Variants in CSGALNACT1 observed in about 807,000 individuals in gnomAD.
CSGALNACT1 encodes the protein chondroitin sulfate N-acetylgalactosaminyltransferase 1.
Under a neutral mutation model 51.0 loss-of-function variants are expected in CSGALNACT1, and 52 were observed. That is an observed-to-expected ratio of 1.02 (90% confidence interval 0.82 to 1.29). The LOEUF (loss-of-function observed/expected upper bound fraction) is 1.29. Ranked by LOEUF, CSGALNACT1 falls within the 50% of genes most tolerant of loss-of-function variation. CSGALNACT1 has a pLI of 0.00. For missense variants in CSGALNACT1, 935 were observed against 679.2 expected (o/e 1.38, Z -4.19); for synonymous variants, 341 against 254.4 (o/e 1.34, Z -3.24).
chr8:19,637,040 A>C (rs1447147863), intron 1 of CSGALNACT1, among the ~76,000 whole-genome samples: 1 of 152,052 alleles, frequency 6.6e-6, no homozygotes, highest in Admixed American at 6.6e-5. Context: ...AAAAAAAAAA[A>C]AATAGAACAA....
intron 1 of CSGALNACT1, among the ~76,000 whole-genome samples, chr8:19,755,943 T>G (rs750620490): frequency 6.6e-6 from 1 of 152,196 alleles, no homozygotes; most frequent in Non-Finnish European, 1.5e-5. Flanking sequence ...TTTCTAGGAA[T>G]TGACCATCTT....
At chr8:19,459,816 C>T (rs2064983620) in intron 4 of CSGALNACT1, among the ~76,000 whole-genome samples, 1 of 152,196 alleles carries the variant, frequency 6.6e-6, no homozygotes, top group East Asian at 1.9e-4. Context: ...TAGCCATCTT[C>T]ACAACTCCCC....
At chr8:19,439,145 G>C (rs538088511) in intron 6 of CSGALNACT1, among the ~76,000 whole-genome samples, 18 of 152,308 alleles carry the variant, frequency 1.2e-4, no homozygotes, top group African/African-American at 4.1e-4. Flanking sequence ...AGATGCCATG[G>C]GGATTACTTA....
At position 19,644,460 on chromosome 8, in the gene CSGALNACT1, G is replaced by A. The variant is rs568122202; in HGVS notation, c.-544+38013C>T. ...TGCAGTGGCTCACGCCTGTAATCCC[G>A]GTACTTTGGGAGGCTGAGGTGGGTG... is the stretch of plus-strand genomic sequence containing the variant. On this transcript the variant is annotated intron_variant, in intron 1 of 9. Transcript: ENST00000332246. Among the ~76,000 whole-genome samples, 40 of 149,842 alleles carry A rather than the reference G, an allele frequency of 2.7e-4. 1 individual carries two copies. In the South Asian group the frequency reaches 8.0e-3, roughly 30 times the overall value.
chr8:19,459,938 G>A lies in CSGALNACT1; in HGVS notation c.635-1296C>T, dbSNP rs1055626309. ...ACAGAGTGTCACTTGTCAGGTTGAAGATATGAACTCAGCATCTCAGCTGCC... is the reference window on the plus strand; with the variant it reads ...ACAGAGTGTCACTTGTCAGGTTGAAAATATGAACTCAGCATCTCAGCTGCC... On this transcript the variant is annotated intron_variant, in intron 4 of 9. Coordinates refer to ENST00000454498, the Ensembl canonical transcript of CSGALNACT1. 3.3e-5 allele frequency among the ~76,000 whole-genome samples: 5 copies of A among 152,164 alleles called. No individual in the cohort carries two copies. The South Asian group carries it at 8.3e-4, about 25-fold the overall frequency.
At chr8:19,653,646 T>C (rs545294514) in intron 1 of CSGALNACT1, among the ~76,000 whole-genome samples, 1 of 152,002 alleles carries the variant, frequency 6.6e-6, no homozygotes, top group Non-Finnish European at 1.5e-5. Flanking sequence ...GTTAAAAAAA[T>C]TTGTGGGTGT....
At chr8:19,722,845 T>C (rs1041241989) in intron 1 of CSGALNACT1, among the ~76,000 whole-genome samples, 4 of 152,228 alleles carry the variant, frequency 2.6e-5, no homozygotes, top group Non-Finnish European at 5.9e-5. Context: ...TAGCAAGATC[T>C]GCAACAGGTA....
At chr8:19,537,601 G>A (rs1332967929) in intron 3 of CSGALNACT1, among the ~76,000 whole-genome samples, 1 of 152,144 alleles carries the variant, frequency 6.6e-6, no homozygotes, top group Admixed American at 6.6e-5. Flanking sequence ...CCTACAGGAT[G>A]GGAAGCCTGC....
chr8:19,610,674 C>A (rs547635655), intron 1 of CSGALNACT1, among the ~76,000 whole-genome samples: 1 of 152,176 alleles, frequency 6.6e-6, no homozygotes. Context: ...TGGCCCAGCT[C>A]CCGAGGAAAG....
At chr8:19,521,515 T>A (rs2080700208) in intron 3 of CSGALNACT1, among the ~76,000 whole-genome samples, 1 of 152,170 alleles carries the variant, frequency 6.6e-6, no homozygotes, top group Non-Finnish European at 1.5e-5. Flanking sequence ...GAAACCCATC[T>A]CTACTAAAAA....
At chr8:19,570,683 C>T (rs920837809) in intron 3 of CSGALNACT1, among the ~76,000 whole-genome samples, 2 of 152,108 alleles carry the variant, frequency 1.3e-5, no homozygotes, top group African/African-American at 2.4e-5. Flanking sequence ...GGGCAGATCA[C>T]GAGGGTAGGA....
intron 6 of CSGALNACT1, among the ~76,000 whole-genome samples, chr8:19,421,267 A>G (rs992689545): frequency 3.3e-5 from 5 of 152,216 alleles, no homozygotes; most frequent in African/African-American, 1.2e-4. Context: ...AGCATCAGCT[A>G]TTGCTGTGAT....
chr8:19,660,355 T>A (rs1048869118), intron 1 of CSGALNACT1, among the ~76,000 whole-genome samples: 3 of 152,130 alleles, frequency 2.0e-5, no homozygotes, highest in African/African-American at 7.2e-5. Flanking sequence ...AATTACTTAA[T>A]CCCCCTAAGC....
chr8:19,638,755 G>C (rs767084576), intron 1 of CSGALNACT1, among the ~76,000 whole-genome samples: 23 of 151,998 alleles, frequency 1.5e-4, no homozygotes, highest in Non-Finnish European at 3.4e-4. Flanking sequence ...TAGAGACAGA[G>C]TGTCAATTCA....
At chr8:19,638,381 G>T (rs1305598311) in intron 1 of CSGALNACT1, among the ~76,000 whole-genome samples, 2 of 152,084 alleles carry the variant, frequency 1.3e-5, no homozygotes, top group Non-Finnish European at 2.9e-5. Context: ...ACACCCATCG[G>T]TGCCCACTTG....
intron 1 of CSGALNACT1, among the ~76,000 whole-genome samples, chr8:19,624,928 C>T (rs538730008): frequency 2.0e-5 from 3 of 152,306 alleles, no homozygotes; most frequent in East Asian, 1.9e-4. Context: ...CCGCCCACCT[C>T]GGCCTCCCAA....
chr8:19,591,928 A>G (rs945731405), intron 2 of CSGALNACT1, among the ~76,000 whole-genome samples: 1 of 152,216 alleles, frequency 6.6e-6, no homozygotes, highest in African/African-American at 2.4e-5. Context: ...ATCAAAATTA[A>G]CACTGTCAAT....
chr8:19,531,315 T>G (rs1017491009), intron 3 of CSGALNACT1, among the ~76,000 whole-genome samples: 45 of 152,264 alleles, frequency 3.0e-4, no homozygotes, highest in African/African-American at 9.6e-4. Context: ...CCACATAATT[T>G]AAAAAGTCAA....
At chr8:19,673,975 A>C (rs2059982565) in intron 1 of CSGALNACT1, among the ~76,000 whole-genome samples, 3 of 152,340 alleles carry the variant, frequency 2.0e-5, no homozygotes, top group Middle Eastern at 3.4e-3. Context: ...GGTGAAGGGC[A>C]GAAGGCACAG....
Sources: gnomAD v4.1 joint callset for allele counts (sites outside exome capture counted in the v4.1 genomes callset) on GRCh38, gnomAD v4.1.1 for gene constraint, MANE v1.5 for transcripts, NCBI Gene and HGNC (gene_info 2026-07-23, HGNC 2026-07-21) for gene names.